Variants in NTNG2 observed in about 807,000 individuals in gnomAD.
NTNG2 encodes the protein netrin G2, also known as netrin-G2.
In NTNG2, 15 loss-of-function variants were observed where a neutral mutation model predicts 47.6. The ratio of observed to expected loss-of-function variants is 0.32; its 90% CI spans 0.21 to 0.49. The LOEUF is 0.49. Among genes scored for constraint, NTNG2 ranks in the 20% least tolerant of loss-of-function variants. The probability of loss-of-function intolerance (pLI) is 0.99; values close to 1 mark genes in which losing one functional copy is unlikely to be tolerated. For synonymous variants in NTNG2, 307 were observed against 324.6 expected (o/e 0.95, Z 0.58); for missense variants, 578 against 764.6 (o/e 0.76, Z 2.88).
chr9:132,238,959 G>C (rs1320295738), intron 5 of NTNG2, 145 bp from the exon 6 acceptor site: 5 of 777,752 alleles, frequency 6.4e-6, no homozygotes, highest in Non-Finnish European at 1.1e-5. Context: ...GGAAGGGTGG[G>C]AGGCCTAGGG....
intron 2 of NTNG2, among the ~76,000 whole-genome samples, chr9:132,170,210 T>C (rs900383387): frequency 2.0e-5 from 3 of 152,244 alleles, no homozygotes; most frequent in Non-Finnish European, 4.4e-5. Flanking sequence ...CTTCCTGTCC[T>C]TCAGCAAGGC....
At position 132,162,604 on chromosome 9, in the gene NTNG2, GTGTGTGTGTGT is replaced by G. The variant is rs1835147916; in HGVS notation, c.-484+366_-484+376del. 6.7e-6 allele frequency among the ~76,000 whole-genome samples: 1 copy of G among 149,132 alleles called. No individual in the cohort carries two copies. Among genetic ancestry groups the G allele is most frequent in the Non-Finnish European group, 1.5e-5 (1 of 67,164 alleles). Reference sequence around the variant, plus strand: ...TGTGTGTGTGTGTGTGTGTGTGTGTGTGTGTGTGTGTGTCGGGGAGGGATGTTGCAAGGATG... The same window carrying G: ...TGTGTGTGTGTGTGTGTGTGTGTGTGGTCGGGGAGGGATGTTGCAAGGATG... On this transcript the variant is annotated intron_variant, in intron 1 of 7. Transcript: ENST00000393229. This position sits in a 1 kb window ranked among gnomAD's most constrained non-coding sequence, Gnocchi z 4.6.
intron 3 of NTNG2, among the ~76,000 whole-genome samples, chr9:132,203,608 G>A (rs997950852): frequency 6.6e-6 from 1 of 152,184 alleles, no homozygotes; most frequent in Admixed American, 6.5e-5. Flanking sequence ...CTCTGTGCAA[G>A]GAAAACAAAA....
At chr9:132,198,824 C>T (rs1232552968) in intron 3 of NTNG2, among the ~76,000 whole-genome samples, 1 of 151,872 alleles carries the variant, frequency 6.6e-6, no homozygotes, top group Non-Finnish European at 1.5e-5. Flanking sequence ...ACCTGGTTCC[C>T]TGGGGGTTAC....
At chr9:132,165,744 G>A (rs577509346) in intron 1 of NTNG2, among the ~76,000 whole-genome samples, 1 of 152,302 alleles carries the variant, frequency 6.6e-6, no homozygotes, top group East Asian at 1.9e-4. Flanking sequence ...GCTTTTGAAA[G>A]TCTCTGACCC....
At chr9:132,191,930 TTTG>T (rs1212942335) in intron 2 of NTNG2, among the ~76,000 whole-genome samples, 4 of 152,296 alleles carry the variant, frequency 2.6e-5, no homozygotes, top group African/African-American at 7.2e-5. Flanking sequence ...CGGTATGATT[TTTG>T]TTGTTGTTTT....
At chr9:132,207,869 T>C (rs1489239625) in intron 3 of NTNG2, among the ~76,000 whole-genome samples, 1 of 152,144 alleles carries the variant, frequency 6.6e-6, no homozygotes, top group Non-Finnish European at 1.5e-5. Flanking sequence ...TTTGGGAGGC[T>C]GAGGCTGGCG....
chr9:132,230,632 A>C, intron 5 of NTNG2, 37 bp downstream of exon 5: 2 of 1,594,588 alleles, frequency 1.3e-6, no homozygotes, highest in Non-Finnish European at 8.5e-7. Flanking sequence ...CAGGGCCCCC[A>C]CTGCACGAGC....
At position 132,163,415 on chromosome 9, in the gene NTNG2, G is replaced by A. The variant is rs1251537665; in HGVS notation, c.-484+1176G>A. On this transcript the variant is annotated intron_variant, in intron 1 of 7. Coordinates refer to ENST00000393229, the MANE Select transcript of NTNG2 (RefSeq NM_032536.4). The surrounding 1 kb of genome is among the most constrained non-coding windows in gnomAD (Gnocchi z 7.2). Reference sequence around the variant, plus strand: ...TAAAGGGCCCGCTCCGGAGCGGGGGGACACCCGGGCCGCCGGAATTAAGAG... The same window carrying A: ...TAAAGGGCCCGCTCCGGAGCGGGGGAACACCCGGGCCGCCGGAATTAAGAG... 1.3e-5 allele frequency among the ~76,000 whole-genome samples: 2 copies of A among 151,724 alleles called. No individual in the cohort carries two copies. Among genetic ancestry groups the A allele is most frequent in the Non-Finnish European group, 2.9e-5 (2 of 67,816 alleles).
intron 6 of NTNG2, chr9:132,240,570 C>A: frequency 2.4e-6 from 1 of 416,558 alleles, no homozygotes; most frequent in Non-Finnish European, 4.5e-6. Context: ...GTTTCTGCCA[C>A]CTGTCGGAGT....
chr9:132,238,613 C>A (rs886760241), intron 5 of NTNG2, among the ~76,000 whole-genome samples: 1 of 152,314 alleles, frequency 6.6e-6, no homozygotes, highest in Admixed American at 6.5e-5. Context: ...GGCAGGAGCT[C>A]CTGGCCCATT....
rs66498690 is a variant in NTNG2, at chr9:132,187,569, A to AAGAG, written c.214-10372_214-10369dup. Among the ~76,000 whole-genome samples the AAGAG allele has an allele frequency of 4.4e-4, 61 of 139,058 alleles. 1 individual carries two copies. Among genetic ancestry groups the AAGAG allele is most frequent in the East Asian group, 6.4e-4 (3 of 4,676 alleles). The allele number at this position is 139,058 out of a possible 152,430, so 91.2% of individuals were successfully genotyped here. A position where few individuals can be genotyped will look rare whatever the true frequency, so the allele number is the denominator to read the frequency against. On this transcript the variant is annotated intron_variant, in intron 2 of 7. Coordinates refer to ENST00000393229, the MANE Select transcript of NTNG2 (RefSeq NM_032536.4). ...ACACACACAGAGAGCGAGAGGGAGC[A>AAGAG]AGAGAGAGAGAGAGAGAGAGAGAGA...
At chr9:132,201,226 A>G (rs898721266) in intron 3 of NTNG2, among the ~76,000 whole-genome samples, 5 of 152,230 alleles carry the variant, frequency 3.3e-5, no homozygotes, top group Non-Finnish European at 5.9e-5. Context: ...GCCTCTCTGC[A>G]TCCTGCCTTG....
chr9:132,239,640 T>TG (rs140142808), intron 6 of NTNG2, among the ~76,000 whole-genome samples: 19,170 of 152,146 alleles, frequency 0.13, 1,311 homozygotes, highest in Non-Finnish European at 0.15. Context: ...GGCTGGTGTG[T>TG]GGGGGGGTCC....
Position 132,218,380 on chromosome 9 carries a change from C to T in NTNG2, c.858-8469C>T, listed in dbSNP as rs569668233. On this transcript the variant is annotated intron_variant, in intron 3 of 7. Coordinates refer to ENST00000393229, the MANE Select transcript of NTNG2 (RefSeq NM_032536.4). The surrounding 1 kb of genome is among the most constrained non-coding windows in gnomAD (Gnocchi z 5.4). The stretch of plus-strand genomic sequence containing the variant: ...GCTGTGAAGGGCTAATGTTCTAATT[C>T]GGGTGGCACTCTCAGAACAGTTCCT... 2.4e-4 allele frequency among the ~76,000 whole-genome samples: 37 copies of T among 152,344 alleles called. No individual in the cohort carries two copies. The highest frequency in any genetic ancestry group is 8.2e-4 in the African/African-American group (34 of 41,574).
intron 2 of NTNG2, among the ~76,000 whole-genome samples, chr9:132,183,557 C>T (rs768358859): frequency 1.3e-5 from 2 of 152,222 alleles, no homozygotes; most frequent in Non-Finnish European, 2.9e-5. Flanking sequence ...CCCGTCACCT[C>T]CAGGGCTTGT....
At chr9:132,185,808 C>G (rs1837317294) in intron 2 of NTNG2, among the ~76,000 whole-genome samples, 1 of 144,324 alleles carries the variant, frequency 6.9e-6, no homozygotes, top group Non-Finnish European at 1.5e-5. Context: ...CCAGACTGAG[C>G]CCCTGTGTGT....
rs1270076591 is a variant in NTNG2 at position 132,231,719 on chromosome 9, C to T, written c.1054+1124C>T. The T allele has an allele frequency of 4.6e-6, 1 of 219,762 alleles. No homozygotes were observed. Among genetic ancestry groups the T allele is most frequent in the Non-Finnish European group, 9.4e-6 (1 of 106,916 alleles). 13.6% of individuals were successfully genotyped at this position (219,762 alleles called of 1,614,324 possible). On this transcript the variant is annotated intron_variant, in intron 5 of 7. Transcript: ENST00000393229. This position sits in a 1 kb window ranked among gnomAD's most constrained non-coding sequence, Gnocchi z 4.1. ...CGGCCACCACAGCCATGACAGGGGC[C>T]CCTACTACTCCTGTCCCCTCCACGT...
chr9:132,225,961 C>T (rs1257845291), intron 3 of NTNG2, among the ~76,000 whole-genome samples: 1 of 152,158 alleles, frequency 6.6e-6, no homozygotes, highest in African/African-American at 2.4e-5. Context: ...GCGCTCACAG[C>T]TGGGTCTAGA....
Sources: allele counts gnomAD v4.1 joint callset (sites outside exome capture counted in the v4.1 genomes callset), GRCh38; gene constraint gnomAD v4.1.1; non-coding constraint Gnocchi (gnomAD v3.1); transcripts MANE v1.5; gene names NCBI Gene and HGNC (gene_info 2026-07-23, HGNC 2026-07-21).